DCC: variants seen among roughly 807,000 people sequenced by gnomAD.
DCC encodes netrin receptor DCC.
Under a neutral mutation model 172.5 loss-of-function variants are expected in DCC, and 58 were observed. That is an observed-to-expected ratio of 0.34 (90% CI 0.27 to 0.42). The LOEUF is 0.42. DCC is among the 10% of genes least tolerant of loss of function. The probability of loss-of-function intolerance (pLI) is 1.00; values close to 1 mark genes in which losing one functional copy is unlikely to be tolerated. For missense variants in DCC, 1,740 were observed against 1,791.0 expected (o/e 0.97, Z 0.51); for synonymous variants, 709 against 644.5 (o/e 1.10, Z -1.52).
At chr18:53,488,309 A>C (rs2045924681) in intron 26 of DCC, among the ~76,000 whole-genome samples, 2 of 152,110 alleles carry the variant, frequency 1.3e-5, no homozygotes, top group Non-Finnish European at 2.9e-5. Context: ...TGAGAGGTGG[A>C]GATTGCATTG....
At chr18:52,536,797 A>C (rs2032302678) in intron 1 of DCC, among the ~76,000 whole-genome samples, 1 of 152,226 alleles carries the variant, frequency 6.6e-6, no homozygotes, top group African/African-American at 2.4e-5. Flanking sequence ...TCCTTTCAAT[A>C]TTTTTATGCA....
chr18:52,404,435 T>G (rs1986557259), intron 1 of DCC, among the ~76,000 whole-genome samples: 1 of 152,064 alleles, frequency 6.6e-6, no homozygotes, highest in Non-Finnish European at 1.5e-5. Flanking sequence ...ACTGTGTGCC[T>G]TCCTCCTGCT....
At chr18:53,357,839 A>G (rs1289820047) in intron 15 of DCC, among the ~76,000 whole-genome samples, 1 of 152,186 alleles carries the variant, frequency 6.6e-6, no homozygotes, top group Non-Finnish European at 1.5e-5. Flanking sequence ...GGATCAGAAT[A>G]GTTCATTGAA....
chr18:52,800,531 G>A (rs1176678341), intron 2 of DCC, among the ~76,000 whole-genome samples: 1 of 152,110 alleles, frequency 6.6e-6, no homozygotes, highest in Non-Finnish European at 1.5e-5. Context: ...AATATGTCTG[G>A]CAGTACATAG....
At chr18:53,354,689 T>G (rs912493492) in intron 15 of DCC, among the ~76,000 whole-genome samples, 2 of 151,950 alleles carry the variant, frequency 1.3e-5, no homozygotes, top group African/African-American at 2.4e-5. Flanking sequence ...TTGCAAAAAT[T>G]TTCTCCCATT....
At chr18:52,479,323 A>G (rs543770703) in intron 1 of DCC, among the ~76,000 whole-genome samples, 3 of 152,208 alleles carry the variant, frequency 2.0e-5, no homozygotes, top group South Asian at 2.1e-4. Flanking sequence ...AAAATCACTT[A>G]CCACCAAAGA....
At chr18:53,113,785 G>A (rs1568312658) in intron 7 of DCC, among the ~76,000 whole-genome samples, 1 of 151,184 alleles carries the variant, frequency 6.6e-6, no homozygotes, top group Non-Finnish European at 1.5e-5. Flanking sequence ...GTGTTAAACG[G>A]ACTCAATCCC....
chr18:52,657,479 C>G (rs1229289116), intron 1 of DCC, among the ~76,000 whole-genome samples: 2 of 152,122 alleles, frequency 1.3e-5, no homozygotes, highest in African/African-American at 2.4e-5. Context: ...TATTAATAGT[C>G]GAGATTTTAT....
chr18:52,800,221 G>A (rs8091760), intron 2 of DCC, among the ~76,000 whole-genome samples: 12,753 of 152,150 alleles, frequency 0.084, 1,738 homozygotes, highest in African/African-American at 0.29. Context: ...GAAAGTCAAA[G>A]TGTTCCCCAG....
At chr18:52,567,693 A>G (rs1355019778) in intron 1 of DCC, among the ~76,000 whole-genome samples, 5 of 152,140 alleles carry the variant, frequency 3.3e-5, no homozygotes, top group East Asian at 1.9e-4. Flanking sequence ...AGTGATGAGA[A>G]ATTACTTCGG....
At chr18:52,736,598 A>G (rs762579743) in intron 1 of DCC, among the ~76,000 whole-genome samples, 2 of 152,194 alleles carry the variant, frequency 1.3e-5, no homozygotes, top group Non-Finnish European at 2.9e-5. Context: ...GATTACATTA[A>G]AAGACAGTAA....
At chr18:52,451,097 G>A (rs1988289621) in intron 1 of DCC, among the ~76,000 whole-genome samples, 1 of 152,174 alleles carries the variant, frequency 6.6e-6, no homozygotes, top group Non-Finnish European at 1.5e-5. Context: ...GGCATGTTGT[G>A]AGGCAGGGAT....
intron 1 of DCC, among the ~76,000 whole-genome samples, chr18:52,751,236 G>A (rs372529300): frequency 1.5e-4 from 23 of 152,294 alleles, no homozygotes; most frequent in African/African-American, 4.6e-4. Context: ...CCTTGTCAAG[G>A]TCTTTGACTC....
chr18:52,896,880 G>A (rs1480000320), intron 2 of DCC, among the ~76,000 whole-genome samples: 2 of 47,508 alleles, frequency 4.2e-5, no homozygotes, highest in East Asian at 5.2e-4. Context: ...TGGATTTACT[G>A]GGTTGATTCT....
chr18:53,433,873 G>GAAGAT (rs917100938), intron 21 of DCC, among the ~76,000 whole-genome samples: 112 of 152,268 alleles, frequency 7.4e-4, no homozygotes, highest in African/African-American at 2.6e-3. Context: ...GTTTTATGCT[G>GAAGAT]AAGATATAAT....
chr18:53,292,311 C>T (rs541951198), intron 12 of DCC, among the ~76,000 whole-genome samples: 2 of 152,182 alleles, frequency 1.3e-5, no homozygotes, highest in South Asian at 2.1e-4. Context: ...AGAAGCAACT[C>T]GAATAGAGCT....
chr18:53,100,868 G>A (rs1168715502), intron 7 of DCC, among the ~76,000 whole-genome samples: 1 of 152,100 alleles, frequency 6.6e-6, no homozygotes, highest in Non-Finnish European at 1.5e-5. Flanking sequence ...AAGATAGAGA[G>A]AGGGCTACCA....
Position 53,207,695 on chromosome 18 carries a change from G to A in DCC, c.1739G>A (p.Gly580Glu). The change falls in exon 11 of 29, where the codon GGA (glycine) becomes GAA (glutamate). Residue 580 changes from glycine to glutamate, a missense_variant. Gly to Glu is a moderately conservative substitution (Grantham distance 98). Transcript: ENST00000442544. Reference sequence around the variant, plus strand: ...TGTCTCCAGAATATAGAGGTTGATGGACTATCTTATAAACTGGAAGGCCTG... The same window carrying A: ...TGTCTCCAGAATATAGAGGTTGATGAACTATCTTATAAACTGGAAGGCCTG... ...TGKEQNIEVD[G>E]LSYKLEGLKK... 1 of 1,613,486 alleles carries A rather than the reference G, an allele frequency of 6.2e-7. No individual in the cohort carries two copies. The highest frequency in any genetic ancestry group is 8.5e-7 in the Non-Finnish European group (1 of 1,179,666).
At chr18:53,467,424 T>A (rs765090361) in intron 24 of DCC, among the ~76,000 whole-genome samples, 4 of 152,114 alleles carry the variant, frequency 2.6e-5, no homozygotes, top group Non-Finnish European at 4.4e-5. Flanking sequence ...TTCTTGTGGG[T>A]TTTTTGTAAT....
Sources: allele counts gnomAD v4.1 joint callset (sites outside exome capture counted in the v4.1 genomes callset), GRCh38; gene constraint gnomAD v4.1.1; transcripts MANE v1.5; gene names NCBI Gene and HGNC (gene_info 2026-07-23, HGNC 2026-07-21).